ARK2N: variants seen among roughly 807,000 people sequenced by gnomAD.
ARK2N encodes protein ARK2N.
chr18:46,265,214 A>G, the ARK2N span: 1 of 152,676 alleles, frequency 6.5e-6, no homozygotes, highest in Non-Finnish European at 1.5e-5. Context: ...AGAGAAGAGA[A>G]TAGAGTGGAT....
chr18:46,248,588 T>G, the ARK2N span, among the ~76,000 whole-genome samples: 5 of 152,296 alleles, frequency 3.3e-5, no homozygotes, highest in South Asian at 1.0e-3. Context: ...TTTGTTTGTT[T>G]GTTTGTTTTT....
At chr18:46,174,593 C>G in the ARK2N span, among the ~76,000 whole-genome samples, 1 of 152,190 alleles carries the variant, frequency 6.6e-6, no homozygotes, top group African/African-American at 2.4e-5. Context: ...GTCCTCCCGG[C>G]CCGGCGGAGT....
the ARK2N span, among the ~76,000 whole-genome samples, chr18:46,224,891 CAAT>C: frequency 2.6e-5 from 4 of 152,162 alleles, no homozygotes; most frequent in African/African-American, 9.7e-5. Flanking sequence ...ATTTCCGAAG[CAAT>C]AATGTTTTAT....
the ARK2N span, among the ~76,000 whole-genome samples, chr18:46,235,426 AAAC>A: frequency 6.6e-6 from 1 of 152,206 alleles, no homozygotes; most frequent in East Asian, 1.9e-4. Context: ...GTAAGCAAAC[AAAC>A]AACAAAATAG....
chr18:46,227,320 A>T, the ARK2N span, among the ~76,000 whole-genome samples: 1 of 152,332 alleles, frequency 6.6e-6, no homozygotes, highest in African/African-American at 2.4e-5. Context: ...TTACTCAGAA[A>T]AAATGTCACC....
chr18:46,220,033 C>T, the ARK2N span, among the ~76,000 whole-genome samples: 4 of 152,062 alleles, frequency 2.6e-5, no homozygotes, highest in Non-Finnish European at 5.9e-5. Flanking sequence ...AAAGTTTTTC[C>T]AGTAACTGTT....
chr18:46,186,629 C>T, the ARK2N span, among the ~76,000 whole-genome samples: 37 of 150,680 alleles, frequency 2.5e-4, no homozygotes, highest in Admixed American at 2.3e-3. Context: ...CTTAGCCTCT[C>T]GAGTAGCTGA....
the ARK2N span, among the ~76,000 whole-genome samples, chr18:46,249,525 C>T: frequency 6.6e-6 from 1 of 152,232 alleles, no homozygotes; most frequent in Non-Finnish European, 1.5e-5. Context: ...AGCCACCACG[C>T]CCGGCCTTGC....
chr18:46,261,466 C>G, the ARK2N span, among the ~76,000 whole-genome samples: 1 of 152,124 alleles, frequency 6.6e-6, no homozygotes, highest in African/African-American at 2.4e-5. Context: ...GGTAGTGTTC[C>G]GTTGGCCTTC....
chr18:46,222,426 A>G, the ARK2N span, among the ~76,000 whole-genome samples: 1 of 152,192 alleles, frequency 6.6e-6, no homozygotes, highest in East Asian at 1.9e-4. Flanking sequence ...ATTATTTGAA[A>G]AGCATGCAAT....
chr18:46,175,783 G>A, the ARK2N span, among the ~76,000 whole-genome samples: 2 of 152,196 alleles, frequency 1.3e-5, no homozygotes, highest in Non-Finnish European at 2.9e-5. Context: ...TTACAGGCGT[G>A]AGCCGTGGCG....
At chr18:46,203,298 C>A in the ARK2N span, among the ~76,000 whole-genome samples, 1 of 152,140 alleles carries the variant, frequency 6.6e-6, no homozygotes, top group Non-Finnish European at 1.5e-5. Flanking sequence ...CAGTGGAATA[C>A]TTTGCAGTGA....
At chr18:46,191,985 A>C in the ARK2N span, among the ~76,000 whole-genome samples, 37 of 152,114 alleles carry the variant, frequency 2.4e-4, no homozygotes, top group African/African-American at 8.9e-4. Context: ...TTGGTAGCTC[A>C]CTTCTTCTTA....
At chr18:46,248,938 A>G in the ARK2N span, among the ~76,000 whole-genome samples, 1 of 151,852 alleles carries the variant, frequency 6.6e-6, no homozygotes, top group Non-Finnish European at 1.5e-5. Context: ...CATTGGACCA[A>G]TCCCCCATCC....
At chr18:46,247,228 T>A in the ARK2N span, among the ~76,000 whole-genome samples, 1 of 152,188 alleles carries the variant, frequency 6.6e-6, no homozygotes, top group Non-Finnish European at 1.5e-5. Context: ...TAGTAACTTT[T>A]CGTTTCATAA....
At chr18:46,206,146 CATGAT>C in the ARK2N span, among the ~76,000 whole-genome samples, 1,856 of 151,882 alleles carry the variant, frequency 0.012, 46 homozygotes, top group African/African-American at 0.043. Flanking sequence ...AGTGCAGTGC[CATGAT>C]CATGGCTCAC....
the ARK2N span, among the ~76,000 whole-genome samples, chr18:46,227,812 G>A: frequency 1.3e-5 from 2 of 152,002 alleles, no homozygotes; most frequent in African/African-American, 4.8e-5. Context: ...TGGTCAGGCC[G>A]GTCTTGAACT....
At chr18:46,210,658 C>T in the ARK2N span, among the ~76,000 whole-genome samples, 2 of 152,094 alleles carry the variant, frequency 1.3e-5, no homozygotes, top group Non-Finnish European at 2.9e-5. Flanking sequence ...ACCTGTAATC[C>T]TAGCACTTTG....
At chr18:46,250,048 G>A in the ARK2N span, among the ~76,000 whole-genome samples, 3 of 151,452 alleles carry the variant, frequency 2.0e-5, no homozygotes, top group Admixed American at 6.6e-5. Context: ...CTTGGGTTGT[G>A]TTTTCTAGAC....
Sources: gnomAD v4.1 joint callset for allele counts (sites outside exome capture counted in the v4.1 genomes callset) on GRCh38, gnomAD v4.1.1 for gene constraint, MANE v1.5 for transcripts, NCBI Gene and HGNC (gene_info 2026-07-23, HGNC 2026-07-21) for gene names.